CNTN5: variants seen among roughly 807,000 people sequenced by gnomAD.
The protein encoded by CNTN5 is contactin 5.
In CNTN5, 77 loss-of-function variants were observed where a neutral mutation model predicts 129.1. That is an observed-to-expected ratio of 0.60 (90% CI 0.50 to 0.72). CNTN5 has a LOEUF of 0.72. Among genes scored for constraint, CNTN5 ranks in the 30% least tolerant of loss-of-function variants. The pLI is 0.00. For missense variants in CNTN5, 1,478 were observed against 1,328.8 expected (o/e 1.11, Z -1.75); for synonymous variants, 509 against 465.6 (o/e 1.09, Z -1.20).
intron 1 of CNTN5, among the ~76,000 whole-genome samples, chr11:99,258,561 T>C (rs1470148989): frequency 6.6e-6 from 1 of 152,038 alleles, no homozygotes. Context: ...GTTAAAAAAT[T>C]ACAAAATAAA....
chr11:99,800,650 T>C (rs542742139), intron 3 of CNTN5, among the ~76,000 whole-genome samples: 1 of 152,316 alleles, frequency 6.6e-6, no homozygotes, highest in East Asian at 1.9e-4. Flanking sequence ...TGAGTCTTCT[T>C]GTTAAATTGA....
At chr11:99,880,901 A>G (rs1309189448) in intron 6 of CNTN5, among the ~76,000 whole-genome samples, 1 of 152,160 alleles carries the variant, frequency 6.6e-6, no homozygotes, top group Non-Finnish European at 1.5e-5. Context: ...GACTTTTTTA[A>G]TATTTAAAAA....
rs551156329 is a variant in CNTN5 at position 100,055,099 on chromosome 11, A to G, written c.981-6113A>G. Among the ~76,000 whole-genome samples the G allele has an allele frequency of 6.6e-5, 10 of 150,648 alleles. No individual in the cohort carries two copies. In the South Asian group the frequency reaches 1.7e-3, roughly 25 times the overall value. ...CAAAAAAACAAAAAGGATTTTGGAA[A>G]GAGATGAGGTTTCCAGCCTTTGCTA... On this transcript the variant is annotated intron_variant, in intron 9 of 24. Coordinates refer to ENST00000524871, the MANE Select transcript of CNTN5 (RefSeq NM_014361.4).
chr11:100,141,128 G>A (rs191507325), intron 13 of CNTN5, among the ~76,000 whole-genome samples: 10 of 152,194 alleles, frequency 6.6e-5, no homozygotes, highest in African/African-American at 1.7e-4. Flanking sequence ...CATAGGGCAC[G>A]TGGTTGGGGG....
intron 3 of CNTN5, among the ~76,000 whole-genome samples, chr11:99,751,626 G>A (rs1944239391): frequency 1.3e-5 from 2 of 152,120 alleles, no homozygotes; most frequent in Admixed American, 1.3e-4. Context: ...ACAGTAATAT[G>A]TCAGATTATT....
At chr11:99,186,897 G>C (rs186538299) in intron 1 of CNTN5, among the ~76,000 whole-genome samples, 12 of 152,050 alleles carry the variant, frequency 7.9e-5, no homozygotes, top group Admixed American at 7.9e-4. Context: ...GCTGAGAATG[G>C]AAAAAGAGAA....
chr11:99,118,956 T>C (rs1007435368), intron 1 of CNTN5, among the ~76,000 whole-genome samples: 1 of 152,002 alleles, frequency 6.6e-6, no homozygotes, highest in Non-Finnish European at 1.5e-5. Flanking sequence ...ATTTTAATTA[T>C]GGTAGATAAT....
At chr11:99,359,416 A>T (rs944854931) in intron 2 of CNTN5, among the ~76,000 whole-genome samples, 4 of 152,048 alleles carry the variant, frequency 2.6e-5, no homozygotes, top group Non-Finnish European at 5.9e-5. Context: ...CCTGAGGGTT[A>T]GGTTTCAATA....
chr11:99,991,627 T>G (rs1390334383), intron 8 of CNTN5, among the ~76,000 whole-genome samples: 1 of 152,226 alleles, frequency 6.6e-6, no homozygotes, highest in African/African-American at 2.4e-5. Context: ...CAACCAACAC[T>G]GTTTTTTCAT....
intron 9 of CNTN5, among the ~76,000 whole-genome samples, chr11:100,020,440 A>C (rs1941076748): frequency 6.6e-6 from 1 of 152,042 alleles, no homozygotes; most frequent in Admixed American, 6.6e-5. Flanking sequence ...AGTTAACTGT[A>C]GATGTGTCAA....
chr11:99,891,103 C>T (rs1429868827), intron 6 of CNTN5, among the ~76,000 whole-genome samples: 2 of 152,038 alleles, frequency 1.3e-5, no homozygotes, highest in Non-Finnish European at 2.9e-5. Flanking sequence ...AGAAAAAATA[C>T]ATTAGGTCAA....
chr11:99,957,610 A>C (rs752623404), intron 8 of CNTN5, among the ~76,000 whole-genome samples: 1 of 152,202 alleles, frequency 6.6e-6, no homozygotes, highest in Non-Finnish European at 1.5e-5. Flanking sequence ...CATTGCATTA[A>C]AGAATTCAAG....
intron 3 of CNTN5, among the ~76,000 whole-genome samples, chr11:99,763,851 T>G (rs1405870147): frequency 6.6e-6 from 1 of 151,784 alleles, no homozygotes; most frequent in Admixed American, 6.6e-5. Context: ...AACCATATAT[T>G]AAATTGAAAA....
Position 100,067,773 on chromosome 11 carries a change from T to C in CNTN5, c.1163-2651T>C, listed in dbSNP as rs550469589. On this transcript the variant is annotated intron_variant, in intron 10 of 24. Coordinates refer to ENST00000524871, the MANE Select transcript of CNTN5 (RefSeq NM_014361.4). Reference sequence around the variant, plus strand: ...AGAGTTTGAGCTTACAGCAAACAGATATGATAGCACATTTATGTTCGTATC... The same window carrying C: ...AGAGTTTGAGCTTACAGCAAACAGACATGATAGCACATTTATGTTCGTATC... Among the ~76,000 whole-genome samples, 283 of 152,084 alleles carry C rather than the reference T, an allele frequency of 1.9e-3. 2 individuals carry two copies. Among genetic ancestry groups the C allele is most frequent in the African/African-American group, 6.7e-3 (279 of 41,516 alleles).
At chr11:99,814,651 G>T (rs985485826) in intron 3 of CNTN5, among the ~76,000 whole-genome samples, 1 of 152,102 alleles carries the variant, frequency 6.6e-6, no homozygotes, top group Non-Finnish European at 1.5e-5. Flanking sequence ...TACGAATTAT[G>T]AACTTTAACC....
chr11:99,782,398 C>T (rs1438553413), intron 3 of CNTN5, among the ~76,000 whole-genome samples: 1 of 149,498 alleles, frequency 6.7e-6, no homozygotes, highest in Non-Finnish European at 1.5e-5. Context: ...AATGGCCATA[C>T]TGCCCAAGGT....
chr11:99,918,137 C>G (rs1949842273), intron 7 of CNTN5, among the ~76,000 whole-genome samples: 1 of 152,262 alleles, frequency 6.6e-6, no homozygotes, highest in Non-Finnish European at 1.5e-5. Flanking sequence ...TTTCATTCTA[C>G]TCCACCTCCT....
At chr11:99,639,349 T>C (rs653601) in intron 3 of CNTN5, among the ~76,000 whole-genome samples, 91,389 of 151,998 alleles carry the variant, frequency 0.6, 28,317 homozygotes, top group Admixed American at 0.69. Flanking sequence ...TGAAGCTCTC[T>C]GACATGGCCT....
chr11:100,087,928 T>C (rs1164867252), intron 13 of CNTN5, among the ~76,000 whole-genome samples: 2 of 151,578 alleles, frequency 1.3e-5, no homozygotes, highest in Non-Finnish European at 3.0e-5. Context: ...AACAGTGGAA[T>C]AAAAATAGAA....
Sources: allele counts gnomAD v4.1 joint callset (sites outside exome capture counted in the v4.1 genomes callset), GRCh38; gene constraint gnomAD v4.1.1; transcripts MANE v1.5; gene names NCBI Gene and HGNC (gene_info 2026-07-23, HGNC 2026-07-21).